PDE4D: variants seen among roughly 807,000 people sequenced by gnomAD.
The protein encoded by PDE4D is 3',5'-cyclic-AMP phosphodiesterase 4D.
A neutral mutation model predicts 87.4 loss-of-function variants in PDE4D; 24 were observed. That is an observed-to-expected ratio of 0.27 (90% CI 0.20 to 0.39). PDE4D has a LOEUF of 0.39. Among genes scored for constraint, PDE4D ranks in the 10% least tolerant of loss-of-function variants. The pLI is 1.00. For missense variants in PDE4D, 714 were observed against 1,041.0 expected, an observed-to-expected ratio of 0.69 and a Z score of 4.32; for synonymous variants, 384 against 383.2, an observed-to-expected ratio of 1.00 and a Z score of -0.02.
chr5:60,463,889 G>T (rs1343649209), intron 1 of PDE4D, among the ~76,000 whole-genome samples: 1 of 152,162 alleles, frequency 6.6e-6, no homozygotes, highest in Non-Finnish European at 1.5e-5. Flanking sequence ...GCTTTATTAA[G>T]AAATAAAATA....
rs765654469 is a variant in PDE4D, at chr5:59,966,660, ATC to A, written c.272+21826_272+21827del. 7.2e-5 allele frequency among the ~76,000 whole-genome samples: 11 copies of A among 152,328 alleles called. No homozygotes were observed. In the South Asian group the frequency reaches 2.1e-3, roughly 29 times the overall value. On this transcript the variant is annotated intron_variant, in intron 3 of 16. Coordinates refer to the PDE4D transcript ENST00000502484. ...TGCCAATTTTATTTTTGCAAATGTC[ATC>A]TGAGTTTGGTTTTCTCATCAATTAA...
At chr5:60,140,737 A>G (rs1780454182) in intron 2 of PDE4D, among the ~76,000 whole-genome samples, 1 of 152,144 alleles carries the variant, frequency 6.6e-6, no homozygotes, top group Non-Finnish European at 1.5e-5. Context: ...TGTACCCTAG[A>G]GGTAAACTGT....
chr5:59,759,055 A>G (rs1299559146), intron 1 of PDE4D, among the ~76,000 whole-genome samples: 2 of 152,122 alleles, frequency 1.3e-5, no homozygotes. Context: ...TAAAAAGCAA[A>G]ACCATTAAAA....
At chr5:59,445,984 T>TA (rs1798284852) in intron 1 of PDE4D, among the ~76,000 whole-genome samples, 1 of 152,160 alleles carries the variant, frequency 6.6e-6, no homozygotes, top group African/African-American at 2.4e-5. Context: ...GGTTTAAAGA[T>TA]AGAGTCCCCA....
At chr5:59,927,859 TTA>T (rs1755463103) in intron 3 of PDE4D, among the ~76,000 whole-genome samples, 1 of 152,240 alleles carries the variant, frequency 6.6e-6, no homozygotes, top group Non-Finnish European at 1.5e-5. Flanking sequence ...ACTTGAATAT[TTA>T]TAAAGTTTAC....
At chr5:59,971,752 C>T (rs1316549603) in intron 3 of PDE4D, among the ~76,000 whole-genome samples, 2 of 152,298 alleles carry the variant, frequency 1.3e-5, no homozygotes, top group East Asian at 3.9e-4. Context: ...TTTTTCCTTA[C>T]TAACTTTACT....
At chr5:59,726,748 T>G (rs1342132724) in intron 1 of PDE4D, among the ~76,000 whole-genome samples, 1 of 152,140 alleles carries the variant, frequency 6.6e-6, no homozygotes, top group Non-Finnish European at 1.5e-5. Context: ...AAAATCTGTA[T>G]GAGAAACAAT....
intron 1 of PDE4D, among the ~76,000 whole-genome samples, chr5:59,605,776 G>A (rs1296123113): frequency 2.6e-5 from 4 of 152,028 alleles, no homozygotes; most frequent in Admixed American, 2.6e-4. Context: ...AAGCAGGTTT[G>A]GGCCTTAGTT....
At chr5:59,206,825 C>T (rs10067048) in intron 2 of PDE4D, among the ~76,000 whole-genome samples, 67,447 of 151,938 alleles carry the variant, frequency 0.44, 16,208 homozygotes, top group African/African-American at 0.63. Context: ...ACGTATTGGT[C>T]ATCTCCAATA....
chr5:59,975,721 G>A (rs1761253565), intron 3 of PDE4D, among the ~76,000 whole-genome samples: 1 of 152,200 alleles, frequency 6.6e-6, no homozygotes, highest in South Asian at 2.1e-4. Flanking sequence ...TTAATGGTAA[G>A]TTTTATCAAC....
At chr5:59,767,091 G>A (rs877745) in intron 1 of PDE4D, among the ~76,000 whole-genome samples, 70,165 of 151,886 alleles carry the variant, frequency 0.46, 16,785 homozygotes, top group African/African-American at 0.53. Flanking sequence ...TCTTGTCACT[G>A]GTTTAGGTTT....
intron 1 of PDE4D, among the ~76,000 whole-genome samples, chr5:60,277,785 A>G (rs1475830029): frequency 6.6e-6 from 1 of 152,146 alleles, no homozygotes; most frequent in Non-Finnish European, 1.5e-5. Context: ...ATATTTGTTT[A>G]ATGTATCAAA....
Position 60,517,018 on chromosome 5 carries a change from C to A in PDE4D, n.70+5033G>T, listed in dbSNP as rs1485749285. Among the ~76,000 whole-genome samples, 14 of 152,300 alleles carry A rather than the reference C, an allele frequency of 9.2e-5. No individual in the cohort carries two copies. In the East Asian group the frequency reaches 2.3e-3, roughly 25 times the overall value. On this transcript the variant is annotated intron_variant and non_coding_transcript_variant, in intron 1 of 2. Transcript: ENST00000506510. The stretch of plus-strand genomic sequence containing the variant: ...CTGTACTCTCAGAAGCCCAGGAAAC[C>A]CCCCTACCCCCACAGGCTCAGAAAT...
intron 1 of PDE4D, among the ~76,000 whole-genome samples, chr5:59,517,700 C>T (rs530921029): frequency 6.6e-6 from 1 of 152,304 alleles, no homozygotes; most frequent in East Asian, 1.9e-4. Context: ...GTAGCAGTTA[C>T]ATGAGTTAAA....
At chr5:59,203,077 C>T (rs1213057387) in intron 2 of PDE4D, among the ~76,000 whole-genome samples, 1 of 152,148 alleles carries the variant, frequency 6.6e-6, no homozygotes, top group Non-Finnish European at 1.5e-5. Context: ...GACACAGTGG[C>T]TTACACCTGT....
intron 3 of PDE4D, among the ~76,000 whole-genome samples, chr5:59,949,947 G>T (rs1372945834): frequency 6.6e-6 from 1 of 152,122 alleles, no homozygotes; most frequent in Non-Finnish European, 1.5e-5. Context: ...CAAAAGTTAT[G>T]TGTTTAATTT....
chr5:59,353,742 T>C (rs991480524), intron 1 of PDE4D, among the ~76,000 whole-genome samples: 1 of 151,980 alleles, frequency 6.6e-6, no homozygotes, highest in Non-Finnish European at 1.5e-5. Flanking sequence ...TGCCTTTCCT[T>C]CCCTCTCCCT....
In PDE4D at chr5:60,063,150, GAAAGAAGGAAAGAA is replaced by G. The variant is rs1296809235; in HGVS notation, c.43-74447_43-74434del. On this transcript the variant is annotated intron_variant, in intron 2 of 16. Transcript: ENST00000502484. Reference sequence around the variant, plus strand: ...AGAAAGAAAGAAAGAAAGAAAGAAAGAAAGAAGGAAAGAAAGAAAGAAAAAGAGAAAGAAAAAGA... The same window carrying G: ...AGAAAGAAAGAAAGAAAGAAAGAAAGAGAAAGAAAAAGAGAAAGAAAAAGA... Among the ~76,000 whole-genome samples the G allele has an allele frequency of 6.8e-5, 10 of 146,394 alleles. No homozygotes were observed. The East Asian group carries it at 1.6e-3, about 23-fold the overall frequency.
intron 1 of PDE4D, among the ~76,000 whole-genome samples, chr5:59,571,814 GTTGTT>G (rs571727676): frequency 9.8e-4 from 149 of 152,144 alleles, no homozygotes; most frequent in Non-Finnish European, 1.4e-3. Flanking sequence ...TTTTGTTTTT[GTTGTT>G]TTGTTTTATG....
Sources: gnomAD v4.1 joint callset for allele counts (sites outside exome capture counted in the v4.1 genomes callset) on GRCh38, gnomAD v4.1.1 for gene constraint, MANE v1.5 for transcripts, NCBI Gene and HGNC (gene_info 2026-07-23, HGNC 2026-07-21) for gene names.